CDK18: variants seen among roughly 807,000 people sequenced by gnomAD.
CDK18 encodes cyclin dependent kinase 18, also known as cyclin-dependent kinase 18.
CDK18 carries 52 observed loss-of-function variants against 62.0 expected under a neutral mutation model. The observed-to-expected ratio is 0.84, with a 90% CI of 0.67 to 1.06. The LOEUF (loss-of-function observed/expected upper bound fraction) is 1.06, where lower values mean the gene tolerates loss of function less well. Ranked by LOEUF, CDK18 falls within the 50% of genes least tolerant of loss-of-function variation. The probability of loss-of-function intolerance (pLI) is 0.00; values close to 1 mark genes in which losing one functional copy is unlikely to be tolerated. For synonymous variants in CDK18, 237 were observed against 247.0 expected (o/e 0.96, Z 0.38); for missense variants, 604 against 619.9 (o/e 0.97, Z 0.27).
intron 1 of CDK18, 190 bp from the exon 2 acceptor site, chr1:205,522,957 G>A (rs933135085): frequency 1.7e-6 from 1 of 583,812 alleles, no homozygotes; most frequent in Non-Finnish European, 3.0e-6. Context: ...GGAAGAAGGT[G>A]ACTGGGAAGA....
At chr1:205,530,451 C>A in intron 14 of CDK18, 102 bp downstream of exon 14, 1 of 1,307,098 alleles carries the variant, frequency 7.7e-7, no homozygotes, top group African/African-American at 1.5e-5. Context: ...GGCCCCAGCC[C>A]CAGCAGAGCA....
intron 1 of CDK18, among the ~76,000 whole-genome samples, chr1:205,510,501 A>C (rs1241286516): frequency 2.0e-5 from 3 of 152,220 alleles, no homozygotes; most frequent in Non-Finnish European, 4.4e-5. Context: ...AGCTGGCAGC[A>C]TCCCCTGCCG....
In CDK18 at chr1:205,528,906, C is replaced by T. The variant is rs1668579795; in HGVS notation, c.975-93C>T. 2.1e-5 allele frequency: 17 copies of T among 801,458 alleles called. No homozygotes were observed. Among genetic ancestry groups the T allele is most frequent in the Non-Finnish European group, 3.4e-5 (17 of 495,166 alleles). 49.6% of individuals were successfully genotyped at this position (801,458 alleles called of 1,614,324 possible). The stretch of plus-strand genomic sequence containing the variant: ...CCAGAGCCACGATCCCTGCAGCCGC[C>T]TGTGGCAGGTCGTCATTGGTGCCCT... On this transcript the variant is annotated intron_variant, in intron 10 of 15. Transcript: ENST00000429964. The surrounding 1 kb of genome is among the most constrained non-coding windows in gnomAD (Gnocchi z 4.2).
At chr1:205,505,711 G>A (rs1311816517) in intron 1 of CDK18, among the ~76,000 whole-genome samples, 3 of 152,182 alleles carry the variant, frequency 2.0e-5, no homozygotes, top group Non-Finnish European at 4.4e-5. Context: ...GTGCTGGGTG[G>A]GAGTTGGGCT....
chr1:205,529,208 G>A lies in CDK18; in HGVS notation c.1072+112G>A, dbSNP rs1166736506. 3.0e-6 allele frequency: 4 copies of A among 1,344,550 alleles called. No homozygotes were observed. The East Asian group carries it at 7.5e-5, about 25-fold the overall frequency. 83.3% of individuals were successfully genotyped at this position (1,344,550 alleles called of 1,614,324 possible). A position where few individuals can be genotyped will look rare whatever the true frequency, so the allele number is the denominator to read the frequency against. On this transcript the variant is annotated intron_variant, in intron 11 of 15. Coordinates refer to ENST00000429964, the MANE Select transcript of CDK18 (RefSeq NM_212502.3). ...GGCTCGGCCGCCTCTCTCCCGGGCG[G>A]GGACCCCCTGTGGCCTCGGCCATCT...
chr1:205,522,970 A>G (rs1668211658), intron 1 of CDK18, 177 bp from the exon 2 acceptor site: 2 of 611,704 alleles, frequency 3.3e-6, no homozygotes, highest in Non-Finnish European at 5.6e-6. Flanking sequence ...TGGGAAGAAG[A>G]GGGTGAACAC....
At chr1:205,529,924 G>A (rs1160442972) in intron 13 of CDK18, 78 of 1,386,000 alleles carry the variant, frequency 5.6e-5, no homozygotes, top group Non-Finnish European at 6.7e-5. Context: ...TAAGGCACAC[G>A]ATGAAGGGTT....
chr1:205,523,809 T>C (rs1668274785), intron 3 of CDK18, 184 bp downstream of exon 3: 1 of 758,570 alleles, frequency 1.3e-6, no homozygotes, highest in African/African-American at 1.8e-5. Context: ...GTCTTTAAAA[T>C]GGTCATCATG....
At position 205,525,203 on chromosome 1, in the gene CDK18, G is replaced by A. The variant is rs73074319; in HGVS notation, c.456+8G>A. On this transcript the variant is annotated splice_region_variant and intron_variant, in intron 5 of 15. Transcript: ENST00000429964. ...CTGGACAAACTGGGAGAGGTAAGACGCTGGGTTTGGTCTTCTCCGAATAGC... is the reference window on the plus strand; with the variant it reads ...CTGGACAAACTGGGAGAGGTAAGACACTGGGTTTGGTCTTCTCCGAATAGC... The A allele has an allele frequency of 3.7e-6, 6 of 1,605,982 alleles. No individual in the cohort carries two copies. In the Admixed American group the frequency reaches 5.0e-5, roughly 13 times the overall value.
At chr1:205,526,276 C>A in intron 6 of CDK18, 91 bp from the exon 7 acceptor site, 1 of 1,465,838 alleles carries the variant, frequency 6.8e-7, no homozygotes, top group Non-Finnish European at 9.6e-7. Flanking sequence ...AGGATCATTG[C>A]TGGAATGGGA....
rs968548751 is a variant in CDK18 at position 205,527,531 on chromosome 1, G to A, written c.730-263G>A. 5 of 452,956 alleles carry A rather than the reference G, an allele frequency of 1.1e-5. No individual in the cohort carries two copies. The highest frequency in any genetic ancestry group is 1.2e-5 in the Non-Finnish European group (3 of 251,588). 28.1% of individuals were successfully genotyped at this position (452,956 alleles called of 1,614,324 possible). A position where few individuals can be genotyped will look rare whatever the true frequency, so the allele number is the denominator to read the frequency against. ...CAAGCACATATGTCTCCACATAGGC[G>A]GGCATCCTGACCCCCGTGCTCCTGA... On this transcript the variant is annotated intron_variant, in intron 8 of 15. Transcript: ENST00000429964. The surrounding 1 kb of genome is among the most constrained non-coding windows in gnomAD (Gnocchi z 4.1).
chr1:205,523,992 G>A (rs1021335645), intron 3 of CDK18, among the ~76,000 whole-genome samples: 1 of 152,212 alleles, frequency 6.6e-6, no homozygotes, highest in Non-Finnish European at 1.5e-5. Flanking sequence ...GTGATACTGT[G>A]GCCCAGAGAG....
At chr1:205,521,737 C>A (rs1668139995) in intron 1 of CDK18, among the ~76,000 whole-genome samples, 1 of 152,252 alleles carries the variant, frequency 6.6e-6, no homozygotes, top group Non-Finnish European at 1.5e-5. Context: ...GACAGAGGAC[C>A]CTTTCCAGGC....
At chr1:205,523,419 G>T in intron 2 of CDK18, 64 bp from the exon 3 acceptor site, 1 of 1,598,426 alleles carries the variant, frequency 6.3e-7, no homozygotes, top group African/African-American at 1.3e-5. Context: ...TGGGGGAGGG[G>T]GGCTACCCTT....
chr1:205,531,294 C>T (rs760072460), intron 15 of CDK18, 50 bp from the exon 16 acceptor site: 7 of 1,581,044 alleles, frequency 4.4e-6, no homozygotes, highest in Non-Finnish European at 5.2e-6. Context: ...CCTGGGGTAC[C>T]CGTCAGCCCA....
chr1:205,527,093 C>T lies in CDK18; in HGVS notation c.729+256C>T. ...CACTCTCAACTCTGAACATCAGTTT[C>T]CCAGTCTGTCAAATGGGAGTGTGAG... On this transcript the variant is annotated intron_variant, in intron 8 of 15. Transcript: ENST00000429964. The surrounding 1 kb of genome is among the most constrained non-coding windows in gnomAD (Gnocchi z 4.1). The T allele has an allele frequency of 6.0e-6, 3 of 497,110 alleles. No homozygotes were observed. The South Asian group carries it at 9.6e-5, about 16-fold the overall frequency. 30.8% of individuals were successfully genotyped at this position (497,110 alleles called of 1,614,324 possible). A position where few individuals can be genotyped will look rare whatever the true frequency, so the allele number is the denominator to read the frequency against.
rs949891769 is a variant in CDK18, at chr1:205,517,948, G to A, written c.-21-5199G>A. ...CCTCGAGGCCCAACACAGCTGCTCC[G>A]CACTCCCATCCAGCATCTTCTCCAG... On this transcript the variant is annotated intron_variant, in intron 1 of 15. Coordinates refer to ENST00000429964, the MANE Select transcript of CDK18 (RefSeq NM_212502.3). The surrounding 1 kb of genome is among the most constrained non-coding windows in gnomAD (Gnocchi z 4.1). 6.6e-6 allele frequency among the ~76,000 whole-genome samples: 1 copy of A among 152,056 alleles called. No individual in the cohort carries two copies. The highest frequency in any genetic ancestry group is 2.4e-5 in the African/African-American group (1 of 41,408).
chr1:205,523,214 CAG>C lies in CDK18; in HGVS notation c.48_49del (p.Val17AlafsTer4). The C allele has an allele frequency of 6.2e-7, 1 of 1,614,022 alleles. No homozygotes were observed. The highest frequency in any genetic ancestry group is 8.5e-7 in the Non-Finnish European group (1 of 1,179,954). On this transcript the variant is annotated frameshift_variant, in exon 2 of 16. Coordinates refer to ENST00000429964, the MANE Select transcript of CDK18 (RefSeq NM_212502.3). LOFTEE classifies it high-confidence loss of function. ...AACTTTAAGCGCCGTTTCTCCCTGTCAGTGCCCCGCACTGAGACCATTGAAGA... is the reference window on the plus strand; with the variant it reads ...AACTTTAAGCGCCGTTTCTCCCTGTCTGCCCCGCACTGAGACCATTGAAGA...
rs1409920995 is a variant in CDK18, at chr1:205,528,166, G to A, written c.972G>A (p.Met324Ile). 6.2e-7 allele frequency: 1 copy of A among 1,613,586 alleles called. No individual in the cohort carries two copies. Among genetic ancestry groups the A allele is most frequent in the Non-Finnish European group, 8.5e-7 (1 of 1,179,988 alleles). Residue 324 changes from methionine to isoleucine, a missense_variant and splice_region_variant, in exon 10 of 16, where the codon ATG (methionine) becomes ATA (isoleucine). By Grantham distance (10) the Met-to-Ile change is conservative. Transcript: ENST00000429964. The surrounding 1 kb of genome is among the most constrained non-coding windows in gnomAD (Gnocchi z 4.2). ...GSTEYSTPID[M>I]WGVGCIHYEM... ...CAGAGTACTCCACCCCCATTGATAT[G>A]TGGTGAGTGAGCACTGTGGGGACCG... is the stretch of plus-strand genomic sequence containing the variant.
Sources: gnomAD v4.1 joint callset for allele counts (sites outside exome capture counted in the v4.1 genomes callset) on GRCh38, gnomAD v4.1.1 for gene constraint, Gnocchi (gnomAD v3.1) non-coding constraint, MANE v1.5 for transcripts, NCBI Gene and HGNC (gene_info 2026-07-23, HGNC 2026-07-21) for gene names.